SCFD2: variants seen among roughly 807,000 people sequenced by gnomAD.
SCFD2 encodes the protein sec1 family domain-containing protein 2.
SCFD2 carries 54 observed loss-of-function variants against 58.9 expected under a neutral mutation model. That is an observed-to-expected ratio of 0.92 (90% CI 0.74 to 1.15). The LOEUF is 1.15. Among genes scored for constraint, SCFD2 ranks in the 50% most tolerant of loss-of-function variants. SCFD2 has a pLI of 0.00. For missense variants in SCFD2, 805 were observed against 836.6 expected (o/e 0.96, Z 0.47); for synonymous variants, 321 against 335.9 (o/e 0.96, Z 0.49).
chr4:53,061,913 C>T (rs1242445180), intron 5 of SCFD2, among the ~76,000 whole-genome samples: 1 of 151,922 alleles, frequency 6.6e-6, no homozygotes, highest in East Asian at 1.9e-4. Context: ...GTGATTTTTC[C>T]CAAGTCCACG....
chr4:53,333,355 C>CA (rs1341408446), intron 2 of SCFD2, among the ~76,000 whole-genome samples: 2 of 140,994 alleles, frequency 1.4e-5, no homozygotes, highest in Admixed American at 7.2e-5. Flanking sequence ...AACTATACTA[C>CA]AAGGCTACAG....
chr4:53,107,490 T>G (rs1305058314), intron 5 of SCFD2, among the ~76,000 whole-genome samples: 2 of 152,144 alleles, frequency 1.3e-5, no homozygotes, highest in East Asian at 1.9e-4. Flanking sequence ...CTACCTCATG[T>G]GCAAAGACAC....
chr4:53,066,569 C>A (rs748511236), intron 5 of SCFD2, among the ~76,000 whole-genome samples: 1 of 152,074 alleles, frequency 6.6e-6, no homozygotes, highest in Non-Finnish European at 1.5e-5. Flanking sequence ...TTCACTTGCA[C>A]CTGTATGGGT....
chr4:53,148,780 G>A lies in SCFD2; in HGVS notation c.1312-3198C>T, dbSNP rs549071191. 2.6e-5 allele frequency among the ~76,000 whole-genome samples: 4 copies of A among 152,304 alleles called. No homozygotes were observed. In the East Asian group the frequency reaches 7.7e-4, roughly 29 times the overall value. Reference sequence around the variant, plus strand: ...ATTCCAGTACTTTGGGAGGCCAATAGGAGAGGATCACTTGAGGCCAGGAGT... The same window carrying A: ...ATTCCAGTACTTTGGGAGGCCAATAAGAGAGGATCACTTGAGGCCAGGAGT... On this transcript the variant is annotated intron_variant, in intron 4 of 8. Transcript: ENST00000401642.
intron 2 of SCFD2, among the ~76,000 whole-genome samples, chr4:53,314,954 G>A (rs981628400): frequency 4.6e-5 from 7 of 152,082 alleles, no homozygotes; most frequent in Admixed American, 4.6e-4. Flanking sequence ...TAAGTAAGCA[G>A]GTAAACTACA....
intron 4 of SCFD2, among the ~76,000 whole-genome samples, chr4:53,220,348 T>G (rs1196648264): frequency 1.3e-5 from 2 of 152,240 alleles, no homozygotes; most frequent in Admixed American, 6.5e-5. Flanking sequence ...ATTTGTTGGT[T>G]TCTTTACTGT....
chr4:53,319,259 A>G (rs895427151), intron 2 of SCFD2, among the ~76,000 whole-genome samples: 5 of 152,206 alleles, frequency 3.3e-5, no homozygotes, highest in Non-Finnish European at 5.9e-5. Context: ...GTTTTAAGCA[A>G]TATCATACTA....
chr4:53,256,485 G>C (rs1021014476), intron 4 of SCFD2, among the ~76,000 whole-genome samples: 1 of 152,118 alleles, frequency 6.6e-6, no homozygotes, highest in Non-Finnish European at 1.5e-5. Context: ...GGTGGCGGCC[G>C]GGCAGAGGCT....
chr4:52,926,574 A>T (rs144384456), intron 5 of SCFD2, among the ~76,000 whole-genome samples: 6 of 152,114 alleles, frequency 3.9e-5, no homozygotes, highest in African/African-American at 1.2e-4. Context: ...GGCCCCTCAC[A>T]TCTGTTTGGG....
At chr4:53,352,298 A>C (rs1734244847) in intron 2 of SCFD2, among the ~76,000 whole-genome samples, 1 of 152,248 alleles carries the variant, frequency 6.6e-6, no homozygotes. Context: ...ACTCAATTCC[A>C]TGTGAAACTA....
At chr4:52,986,643 C>T (rs58445669) in intron 5 of SCFD2, among the ~76,000 whole-genome samples, 3,052 of 151,328 alleles carry the variant, frequency 0.02, 115 homozygotes, top group African/African-American at 0.071. Flanking sequence ...GGACTACAGG[C>T]GCCCACCACC....
intron 5 of SCFD2, among the ~76,000 whole-genome samples, chr4:53,007,409 G>A (rs1188968179): frequency 2.3e-5 from 3 of 131,056 alleles, no homozygotes; most frequent in Non-Finnish European, 4.9e-5. Context: ...AAGGAAGGGA[G>A]GGAGGGAGGG....
chr4:53,073,150 T>G (rs1379568329), intron 5 of SCFD2, among the ~76,000 whole-genome samples: 1 of 151,430 alleles, frequency 6.6e-6, no homozygotes, highest in African/African-American at 2.4e-5. Context: ...CCTAATTATA[T>G]TTCCTAATTA....
Position 52,937,274 on chromosome 4 carries a change from G to A in SCFD2, c.1562-16404C>T, listed in dbSNP as rs187956616. On this transcript the variant is annotated intron_variant, in intron 5 of 8. Coordinates refer to ENST00000401642, the MANE Select transcript of SCFD2 (RefSeq NM_152540.4). Reference sequence around the variant, plus strand: ...GCAAGGGGGCCAAGTGGCTGGCTGAGGGGTAGGGAATGCAGAACAGGTGAG... The same window carrying A: ...GCAAGGGGGCCAAGTGGCTGGCTGAAGGGTAGGGAATGCAGAACAGGTGAG... Among the ~76,000 whole-genome samples, 6 of 152,338 alleles carry A rather than the reference G, an allele frequency of 3.9e-5. No individual in the cohort carries two copies. In the East Asian group the frequency reaches 5.8e-4, roughly 15 times the overall value.
At chr4:53,256,874 AC>A (rs1468990814) in intron 4 of SCFD2, among the ~76,000 whole-genome samples, 21 of 109,554 alleles carry the variant, frequency 1.9e-4, no homozygotes, top group Admixed American at 2.2e-4. Context: ...GGAGAGGGAG[AC>A]CGTGGGGAGA....
At chr4:53,248,361 T>A (rs1730193908) in intron 4 of SCFD2, among the ~76,000 whole-genome samples, 1 of 152,196 alleles carries the variant, frequency 6.6e-6, no homozygotes, top group African/African-American at 2.4e-5. Flanking sequence ...CGCCCGCCAT[T>A]GCTCAGGCTT....
At chr4:53,169,978 T>C (rs1206900046) in intron 4 of SCFD2, among the ~76,000 whole-genome samples, 2 of 152,184 alleles carry the variant, frequency 1.3e-5, no homozygotes, top group African/African-American at 4.8e-5. Context: ...CCAGTCTCTC[T>C]AGGTCGCTTC....
intron 5 of SCFD2, among the ~76,000 whole-genome samples, chr4:53,026,020 C>G (rs1173988676): frequency 6.7e-6 from 1 of 150,336 alleles, no homozygotes; most frequent in Admixed American, 6.6e-5. Flanking sequence ...TTTTTTCTTT[C>G]TCCTTCTCAG....
chr4:52,988,335 A>G (rs1266642821), intron 5 of SCFD2, among the ~76,000 whole-genome samples: 1 of 152,222 alleles, frequency 6.6e-6, no homozygotes, highest in Non-Finnish European at 1.5e-5. Context: ...ATCCTGGGGT[A>G]GGGGAAGAAC....
Sources: gnomAD v4.1 joint callset for allele counts (sites outside exome capture counted in the v4.1 genomes callset) on GRCh38, gnomAD v4.1.1 for gene constraint, MANE v1.5 for transcripts, NCBI Gene and HGNC (gene_info 2026-07-23, HGNC 2026-07-21) for gene names.